The following TMPRSS15 variants were observed in gnomAD, a reference collection of about 807,000 sequenced individuals.
TMPRSS15 encodes the protein transmembrane serine protease 15, also known as enteropeptidase.
In TMPRSS15, 128 loss-of-function variants were observed where a neutral mutation model predicts 125.3. The ratio of observed to expected loss-of-function variants is 1.02; its 90% confidence interval spans 0.89 to 1.18. The LOEUF (loss-of-function observed/expected upper bound fraction) is 1.18. Among genes scored for constraint, TMPRSS15 ranks in the 50% most tolerant of loss-of-function variants. The pLI is 0.00. For synonymous variants in TMPRSS15, 446 were observed against 423.2 expected, an observed-to-expected ratio of 1.05 and a Z score of -0.66; for missense variants, 1,283 against 1,212.7, an observed-to-expected ratio of 1.06 and a Z score of -0.86.
intron 21 of TMPRSS15, among the ~76,000 whole-genome samples, chr21:18,293,968 A>G (rs1360724301): frequency 6.6e-6 from 1 of 152,234 alleles, no homozygotes; most frequent in Non-Finnish European, 1.5e-5. Context: ...GCTCTTAAAA[A>G]TGCTTACCTT....
intron 10 of TMPRSS15, among the ~76,000 whole-genome samples, chr21:18,351,200 T>C (rs781155494): frequency 1.3e-5 from 2 of 152,188 alleles, no homozygotes; most frequent in Admixed American, 6.6e-5. Context: ...TGGTCATTAA[T>C]ACCAAATTGC....
chr21:18,481,698 CTAAGGAG>C (rs1041167834), intron 1 of TMPRSS15, among the ~76,000 whole-genome samples: 1 of 151,654 alleles, frequency 6.6e-6, no homozygotes, highest in African/African-American at 2.4e-5. Flanking sequence ...CTCTCTCTTA[CTAAGGAG>C]TAAAATTAAA....
intron 8 of TMPRSS15, among the ~76,000 whole-genome samples, chr21:18,357,102 A>T (rs985820017): frequency 2.0e-5 from 3 of 151,902 alleles, no homozygotes; most frequent in Non-Finnish European, 2.9e-5. Flanking sequence ...TTGAAGATGC[A>T]TAAAAACATT....
chr21:18,310,933 CTT>C (rs71329779), intron 18 of TMPRSS15, among the ~76,000 whole-genome samples: 31,080 of 136,810 alleles, frequency 0.23, 3,489 homozygotes, highest in African/African-American at 0.31. Flanking sequence ...CCCACTGATT[CTT>C]TTTTTTTTTT....
chr21:18,273,892 A>G (rs2074589774), intron 24 of TMPRSS15, among the ~76,000 whole-genome samples: 1 of 152,240 alleles, frequency 6.6e-6, no homozygotes. Flanking sequence ...AACTGAAGAT[A>G]TTGATTTAAC....
intron 1 of TMPRSS15, among the ~76,000 whole-genome samples, chr21:18,481,998 T>C (rs988952204): frequency 1.6e-4 from 25 of 151,692 alleles, no homozygotes; most frequent in African/African-American, 6.0e-4. Flanking sequence ...ATAATTTTTG[T>C]CTTACAGTTC....
chr21:18,328,502 C>G (rs1037614312), intron 15 of TMPRSS15, among the ~76,000 whole-genome samples: 1 of 152,118 alleles, frequency 6.6e-6, no homozygotes, highest in Non-Finnish European at 1.5e-5. Flanking sequence ...TTCTAGTCTC[C>G]AATGGGTAGT....
intron 1 of TMPRSS15, among the ~76,000 whole-genome samples, chr21:18,398,988 A>G (rs542211511): frequency 7.9e-5 from 12 of 152,192 alleles, no homozygotes; most frequent in Non-Finnish European, 1.6e-4. Flanking sequence ...AGGTTAACGA[A>G]TTAAATATAA....
chr21:18,308,305 G>T (rs2075058031), intron 18 of TMPRSS15, among the ~76,000 whole-genome samples: 1 of 151,724 alleles, frequency 6.6e-6, no homozygotes, highest in Admixed American at 6.6e-5. Context: ...CCTCTTCCAA[G>T]ACTTTATGTC....
At chr21:18,441,552 A>G (rs1463324301) in intron 1 of TMPRSS15, among the ~76,000 whole-genome samples, 1 of 145,828 alleles carries the variant, frequency 6.9e-6, no homozygotes, top group Non-Finnish European at 1.5e-5. Flanking sequence ...TGTTGCAGTG[A>G]GCTGAGATCG....
chr21:18,395,529 G>C (rs2076027002), intron 3 of TMPRSS15, among the ~76,000 whole-genome samples: 1 of 152,162 alleles, frequency 6.6e-6, no homozygotes, highest in Non-Finnish European at 1.5e-5. Context: ...GATTAGTACT[G>C]AGTATTTAGT....
In TMPRSS15 at chr21:18,431,174, A is replaced by C. The variant is rs192258900; in HGVS notation, c.11-32845T>G. 3.6e-3 allele frequency among the ~76,000 whole-genome samples: 550 copies of C among 152,324 alleles called. 2 individuals carry two copies. Among genetic ancestry groups the C allele is most frequent in the African/African-American group, 0.013 (529 of 41,582 alleles). ...TTATACTTGCTGTGTTAGTTTATAG[A>C]ATAAAAATTTGTGCTCCATCAAGGC... is the stretch of plus-strand genomic sequence containing the variant. On this transcript the variant is annotated intron_variant, in intron 1 of 7. Coordinates refer to the TMPRSS15 transcript ENST00000422787.
At chr21:18,300,563 G>A (rs1280116025) in intron 18 of TMPRSS15, among the ~76,000 whole-genome samples, 2 of 151,336 alleles carry the variant, frequency 1.3e-5, no homozygotes, top group Admixed American at 1.3e-4. Context: ...CAGGCTAGTC[G>A]TGAACTCCTG....
chr21:18,279,556 G>A (rs528376381), intron 22 of TMPRSS15, among the ~76,000 whole-genome samples: 1 of 150,542 alleles, frequency 6.6e-6, no homozygotes, highest in South Asian at 2.1e-4. Context: ...GGATGGTCTC[G>A]ATTTCCTGAC....
chr21:18,417,744 T>G (rs1569064802), intron 1 of TMPRSS15, among the ~76,000 whole-genome samples: 1 of 152,280 alleles, frequency 6.6e-6, no homozygotes, highest in East Asian at 1.9e-4. Flanking sequence ...CTAATCTTGC[T>G]CAATGTGAAT....
chr21:18,337,312 G>GTTTTGT (rs1350178821), intron 13 of TMPRSS15, among the ~76,000 whole-genome samples: 1 of 152,206 alleles, frequency 6.6e-6, no homozygotes, highest in Admixed American at 6.5e-5. Context: ...ATAGCTAGGT[G>GTTTTGT]TTTTGTTTTT....
At chr21:18,383,490 T>C in intron 4 of TMPRSS15, 137 bp downstream of exon 4, 1 of 996,060 alleles carries the variant, frequency 1.0e-6, no homozygotes, top group Non-Finnish European at 1.5e-6. Context: ...TTCACTTTTC[T>C]CATGTAAATG....
chr21:18,406,167 T>C (rs2076151422), upstream of TMPRSS15, among the ~76,000 whole-genome samples: 1 of 152,160 alleles, frequency 6.6e-6, no homozygotes, highest in South Asian at 2.1e-4. Flanking sequence ...ATCAAGCCAG[T>C]TACCATCATA....
chr21:18,381,670 T>A (rs2075893964), intron 4 of TMPRSS15, among the ~76,000 whole-genome samples: 1 of 152,098 alleles, frequency 6.6e-6, no homozygotes, highest in Non-Finnish European at 1.5e-5. Flanking sequence ...CATTTAATTT[T>A]AAAAATCACA....
Sources: gnomAD v4.1 joint callset for allele counts (sites outside exome capture counted in the v4.1 genomes callset) on GRCh38, gnomAD v4.1.1 for gene constraint, MANE v1.5 for transcripts, NCBI Gene and HGNC (gene_info 2026-07-23, HGNC 2026-07-21) for gene names.